Variants in DHX32 observed in about 807,000 individuals in gnomAD.
DHX32 encodes DEAH-box helicase 32 (putative).
A neutral mutation model predicts 70.0 loss-of-function variants in DHX32; 51 were observed. The ratio of observed to expected loss-of-function variants is 0.73; its 90% CI spans 0.58 to 0.92. DHX32 has a LOEUF of 0.92. Ranked by LOEUF, DHX32 falls within the 40% of genes least tolerant of loss-of-function variation. The pLI is 0.00. For synonymous variants in DHX32, 310 were observed against 315.3 expected (o/e 0.98, Z 0.18); for missense variants, 762 against 891.8 (o/e 0.85, Z 1.85).
In DHX32 at chr10:125,859,789, C is replaced by T. The variant is rs1006794614; in HGVS notation, c.663G>A (p.Leu221=). Residue 221 remains leucine, a synonymous_variant, in exon 3 of 11, where the codon CTG becomes CTA. Transcript: ENST00000284690. ...CATAATAAGAATTGAGTTTGCTGAT[C>T]AGGTGAGGTGAGGAGTTAATTATGA... ...LKLIINSSPH[L]ISKLNSYYGN... 2.5e-6 allele frequency: 4 copies of T among 1,613,996 alleles called. No individual in the cohort carries two copies. The East Asian group carries it at 8.9e-5, about 36-fold the overall frequency.
chr10:125,841,030 A>G, intron 7 of DHX32, 34 bp from the exon 8 acceptor site: 2 of 1,579,562 alleles, frequency 1.3e-6, no homozygotes, highest in Non-Finnish European at 8.6e-7. Flanking sequence ...GGTTAGCAAT[A>G]ATGAAGACAT....
In DHX32 at chr10:125,880,542, C is replaced by T. The variant is rs768015764; in HGVS notation, c.282+1G>A. 20 of 1,594,798 alleles carry T rather than the reference C, an allele frequency of 1.3e-5. No individual in the cohort carries two copies. The highest frequency in any genetic ancestry group is 1.7e-5 in the Non-Finnish European group (20 of 1,169,146). ...AATTATTTTTTGTAGTGGTTACTCA[C>T]CTGAGCGCTCTTACCACATTTAGCA... On this transcript the variant is annotated splice_donor_variant, in intron 1 of 10. Coordinates refer to ENST00000284690, the MANE Select transcript of DHX32 (RefSeq NM_018180.3). LOFTEE classifies it high-confidence loss of function.
intron 1 of DHX32, among the ~76,000 whole-genome samples, chr10:125,878,116 T>A (rs764287646): frequency 1.3e-5 from 2 of 152,166 alleles, no homozygotes; most frequent in African/African-American, 2.4e-5. Context: ...GAATAATAAG[T>A]ATTTATTAAC....
Position 125,852,432 on chromosome 10 carries a change from G to T in DHX32, c.1212C>A (p.Tyr404Ter). The change falls in exon 6 of 11, where the codon TAC becomes TAA. Residue 404 changes from tyrosine to a stop codon, truncating the protein, a stop_gained. Transcript: ENST00000284690. LOFTEE classifies it high-confidence loss of function. ...SSSSGKFFCLYTEEFASKDMT... is the reference protein window; with the variant it reads ...SSSSGKFFCL Reference sequence around the variant, plus strand: ...TGTCTTTGGAGGCAAATTCTTCAGTGTACAGGCAGAAAAATTTTCCTAAAA... The same window carrying T: ...TGTCTTTGGAGGCAAATTCTTCAGTTTACAGGCAGAAAAATTTTCCTAAAA... 1 of 1,614,130 alleles carries T rather than the reference G, an allele frequency of 6.2e-7. No individual in the cohort carries two copies. The highest frequency in any genetic ancestry group is 8.5e-7 in the Non-Finnish European group (1 of 1,180,028).
intron 1 of DHX32, among the ~76,000 whole-genome samples, chr10:125,879,076 T>C (rs865804677): frequency 5.2e-5 from 7 of 134,166 alleles, no homozygotes; most frequent in South Asian, 2.5e-4. Flanking sequence ...CAGGCTGAAG[T>C]ACAGTGGCAT....
Position 125,859,871 on chromosome 10 carries a change from G to C in DHX32, c.581C>G (p.Thr194Ser), listed in dbSNP as rs1316706796. 1.2e-6 allele frequency: 2 copies of C among 1,613,932 alleles called. No individual in the cohort carries two copies. The change falls in exon 3 of 11, where the codon ACT becomes AGT. Residue 194 changes from threonine to serine, a missense_variant. Physicochemically the swap from Thr to Ser is moderately conservative, Grantham distance 58. This residue lies in a region of DHX32 where 394 missense variants were observed against 473.1 expected (regional missense o/e 0.83). Transcript: ENST00000284690. ...LDDIHERSIA[T>S]DVLLGLLKDV... The stretch of plus-strand genomic sequence containing the variant: ...TTTAAGAAGTCCAAGTAACACATCA[G>C]TTGCAATGCTTCTTTCATGAATATC...
intron 1 of DHX32, among the ~76,000 whole-genome samples, chr10:125,876,409 A>G (rs1361325157): frequency 6.6e-6 from 1 of 152,238 alleles, no homozygotes; most frequent in Non-Finnish European, 1.5e-5. Context: ...ACAAATGTAT[A>G]ATGAGAAACA....
chr10:125,852,396 C>T lies in DHX32; in HGVS notation c.1248G>A (p.Leu416=). The change falls in exon 6 of 11, where the codon CTG becomes CTA. Residue 416 remains leucine (L), a synonymous_variant. Coordinates refer to ENST00000284690, the MANE Select transcript of DHX32 (RefSeq NM_018180.3). ...EEFASKDMTP[L]KPAEMQEANL... is the part of the protein sequence containing the mutation. ...TGGCTTCCTGCATTTCTGCTGGCTTCAGTGGCGTCATGTCTTTGGAGGCAA... is the reference window on the plus strand; with the variant it reads ...TGGCTTCCTGCATTTCTGCTGGCTTTAGTGGCGTCATGTCTTTGGAGGCAA... 1.2e-6 allele frequency: 2 copies of T among 1,614,202 alleles called. No homozygotes were observed. Among genetic ancestry groups the T allele is most frequent in the Non-Finnish European group, 1.7e-6 (2 of 1,180,044 alleles).
intron 4 of DHX32, chr10:125,853,123 A>G (rs150182729): frequency 3.8e-6 from 6 of 1,598,810 alleles, no homozygotes; most frequent in Non-Finnish European, 5.1e-6. Flanking sequence ...TTTTCCTTAC[A>G]GGTGGTTCAC....
intron 1 of DHX32, chr10:125,869,566 ACT>A (rs1490676197): frequency 6.7e-6 from 1 of 149,356 alleles, no homozygotes; most frequent in Non-Finnish European, 1.5e-5. Context: ...ACAGAGTGAG[ACT>A]CTGTCTCAAA....
chr10:125,866,119 C>T lies in DHX32; in HGVS notation c.476+871G>A, dbSNP rs1255727045. On this transcript the variant is annotated intron_variant, in intron 2 of 10. Coordinates refer to ENST00000284690, the MANE Select transcript of DHX32 (RefSeq NM_018180.3). The surrounding 1 kb of genome is among the most constrained non-coding windows in gnomAD (Gnocchi z 4.8). ...GCTCTTGGAGTGGTCGGGCAGTGCC[C>T]GGGGCAGCTGAAGCCCGTGGGATGG... 2.6e-5 allele frequency among the ~76,000 whole-genome samples: 4 copies of T among 152,090 alleles called. No individual in the cohort carries two copies. Among genetic ancestry groups the T allele is most frequent in the East Asian group, 1.9e-4 (1 of 5,192 alleles).
chr10:125,881,862 C>T (rs147769328), upstream of DHX32, among the ~76,000 whole-genome samples: 2,367 of 152,276 alleles, frequency 0.016, 193 homozygotes, highest in Admixed American at 0.14. Context: ...AGGCTAGTTT[C>T]GAACTCCTGG....
upstream of DHX32, chr10:125,881,368 G>T (rs974157785): frequency 6.6e-6 from 1 of 152,618 alleles, no homozygotes; most frequent in African/African-American, 2.4e-5. Context: ...AAAGCAACAG[G>T]AGGGACAGGA....
intron 6 of DHX32, among the ~76,000 whole-genome samples, chr10:125,843,299 G>A (rs542006422): frequency 2.8e-4 from 43 of 152,240 alleles, no homozygotes; most frequent in African/African-American, 1.0e-3. Flanking sequence ...CTTATGTGCT[G>A]TCTAAACTTT....
rs747711569 is a variant in DHX32, at chr10:125,880,667, T to C, written c.158A>G (p.Tyr53Cys). Residue 53 changes from tyrosine to cysteine, a missense_variant, in exon 1 of 11, where the codon TAT becomes TGT. By Grantham distance (194) the Tyr-to-Cys change is radical. This residue lies in a region of DHX32 where 394 missense variants were observed against 473.1 expected (regional missense o/e 0.83). Coordinates refer to ENST00000284690, the MANE Select transcript of DHX32 (RefSeq NM_018180.3). The stretch of plus-strand genomic sequence containing the variant: ...ATCTTCTCTTTCTTTCAGAAGTTTA[T>C]AATAACGTGATGAATATGGCAATCC... ...FDGLPYSSRY[Y>C]KLLKEREDLP... The C allele has an allele frequency of 2.7e-5, 44 of 1,614,086 alleles. No individual in the cohort carries two copies. The highest frequency in any genetic ancestry group is 3.6e-5 in the Non-Finnish European group (42 of 1,180,040).
chr10:125,857,958 G>A (rs909908346), intron 3 of DHX32, among the ~76,000 whole-genome samples: 2 of 148,902 alleles, frequency 1.3e-5, no homozygotes, highest in African/African-American at 2.5e-5. Flanking sequence ...GGAGTGCAGT[G>A]GTGCAATCAT....
intron 1 of DHX32, among the ~76,000 whole-genome samples, chr10:125,875,108 A>G (rs1944276775): frequency 6.6e-6 from 1 of 151,888 alleles, no homozygotes; most frequent in South Asian, 2.1e-4. Flanking sequence ...AGTCCCAGCT[A>G]CTCTAAAGGC....
At position 125,866,839 on chromosome 10, in the gene DHX32, A is replaced by G; in HGVS notation, c.476+151T>C. ...CCAGATGATGCCAGTGTGGGAAAGC[A>G]ACTGTTGCTGGCTGGCTGATGACAG... is the stretch of plus-strand genomic sequence containing the variant. On this transcript the variant is annotated intron_variant, in intron 2 of 10. Transcript: ENST00000284690. This position sits in a 1 kb window ranked among gnomAD's most constrained non-coding sequence, Gnocchi z 4.8. 1.4e-6 allele frequency: 1 copy of G among 732,868 alleles called. No homozygotes were observed. Among genetic ancestry groups the G allele is most frequent in the East Asian group, 2.7e-5 (1 of 37,292 alleles). The allele number at this position is 732,868 out of a possible 1,614,324, so 45.4% of individuals were successfully genotyped here. A position where few individuals can be genotyped will look rare whatever the true frequency, so the allele number is the denominator to read the frequency against.
intron 6 of DHX32, among the ~76,000 whole-genome samples, chr10:125,848,907 C>T (rs548176044): frequency 6.6e-6 from 1 of 152,286 alleles, no homozygotes; most frequent in African/African-American, 2.4e-5. Flanking sequence ...TGAAGTGAAG[C>T]AATGAGAGTC....
Sources: allele counts gnomAD v4.1 joint callset (sites outside exome capture counted in the v4.1 genomes callset), GRCh38; gene constraint gnomAD v4.1.1; regional missense constraint gnomAD v4.1.1; non-coding constraint Gnocchi (gnomAD v3.1); transcripts MANE v1.5; gene names NCBI Gene and HGNC (gene_info 2026-07-23, HGNC 2026-07-21).